The following WDR59 variants were observed in gnomAD, a reference collection of about 807,000 sequenced individuals.
The protein encoded by WDR59 is WD repeat domain 59.
In WDR59, 100 loss-of-function variants were observed where a neutral mutation model predicts 131.2. The observed-to-expected ratio is 0.76, with a 90% CI of 0.65 to 0.90. The LOEUF (loss-of-function observed/expected upper bound fraction) is 0.90, where lower values mean the gene tolerates loss of function less well. Ranked by LOEUF, WDR59 falls within the 40% of genes least tolerant of loss-of-function variation. The pLI is 0.00. For synonymous variants in WDR59, 601 were observed against 466.2 expected, an observed-to-expected ratio of 1.29 and a Z score of -3.72; for missense variants, 1,203 against 1,262.2, an observed-to-expected ratio of 0.95 and a Z score of 0.71.
At chr16:74,911,539 T>C (rs1032447533) in intron 14 of WDR59, among the ~76,000 whole-genome samples, 1 of 152,210 alleles carries the variant, frequency 6.6e-6, no homozygotes, top group Non-Finnish European at 1.5e-5. Context: ...AGATTCCACC[T>C]GATTTGCTCT....
chr16:74,895,988 G>A (rs149667826), intron 18 of WDR59, among the ~76,000 whole-genome samples: 1 of 152,084 alleles, frequency 6.6e-6, no homozygotes, highest in African/African-American at 2.4e-5. Flanking sequence ...CATTCACTGT[G>A]ATTTTCATTC....
intron 7 of WDR59, among the ~76,000 whole-genome samples, chr16:74,942,095 C>T (rs1445174857): frequency 6.6e-6 from 1 of 152,090 alleles, no homozygotes; most frequent in African/African-American, 2.4e-5. Context: ...CTCACTGAGG[C>T]CAACACAATC....
intron 2 of WDR59, among the ~76,000 whole-genome samples, chr16:74,958,620 A>AAAAAAAAAAAAAAAAAAAAAC (rs1199806175): frequency 7.1e-6 from 1 of 141,050 alleles, no homozygotes; most frequent in Non-Finnish European, 1.5e-5. Flanking sequence ...AAAAAAAAAA[A>AAAAAAAAAAAAAAAAAAAAAC]CAAGCTAAAT....
At chr16:74,959,151 G>A (rs1597797744) in intron 2 of WDR59, among the ~76,000 whole-genome samples, 1 of 152,216 alleles carries the variant, frequency 6.6e-6, no homozygotes, top group Admixed American at 6.5e-5. Context: ...CCCTAGAGCA[G>A]CCCCAGACCT....
At chr16:74,975,079 A>T (rs1214957654) in intron 1 of WDR59, among the ~76,000 whole-genome samples, 2 of 152,192 alleles carry the variant, frequency 1.3e-5, no homozygotes, top group East Asian at 3.8e-4. Context: ...GAAGGAAGTC[A>T]GTCGGGCGCA....
Position 74,872,309 on chromosome 16 carries a change from G to A in WDR59, c.*1900C>T, listed in dbSNP as rs1256498148. On this transcript the variant is annotated 3_prime_UTR_variant, in exon 26 of 26. Transcript: ENST00000262144. Reference sequence around the variant, plus strand: ...TCCCTAAGCTAATCTACTTGGAACTGTAAAATTCTAAGAAACAGAAATAGA... The same window carrying A: ...TCCCTAAGCTAATCTACTTGGAACTATAAAATTCTAAGAAACAGAAATAGA... The A allele has an allele frequency of 6.6e-6, 1 of 152,298 alleles. No individual in the cohort carries two copies. Among genetic ancestry groups the A allele is most frequent in the South Asian group, 2.1e-4 (1 of 4,832 alleles). The allele number at this position is 152,298 out of a possible 1,614,324, so 9.4% of individuals were successfully genotyped here.
intron 2 of WDR59, among the ~76,000 whole-genome samples, chr16:74,962,127 C>G (rs1281761951): frequency 6.6e-6 from 1 of 152,112 alleles, no homozygotes; most frequent in Admixed American, 6.6e-5. Context: ...TCTGATATCT[C>G]TATTCTATTC....
intron 18 of WDR59, among the ~76,000 whole-genome samples, chr16:74,901,445 G>A (rs1965544933): frequency 2.6e-5 from 4 of 152,108 alleles, no homozygotes; most frequent in Non-Finnish European, 4.4e-5. Flanking sequence ...AATCCAGCCT[G>A]GGCAACATAG....
chr16:74,976,234 G>C (rs1327597302), intron 1 of WDR59, among the ~76,000 whole-genome samples: 2 of 151,976 alleles, frequency 1.3e-5, no homozygotes, highest in Non-Finnish European at 2.9e-5. Context: ...TTTTATTTTA[G>C]TTTTTATTAG....
intron 18 of WDR59, among the ~76,000 whole-genome samples, chr16:74,894,437 T>G (rs903101835): frequency 1.3e-5 from 2 of 152,164 alleles, no homozygotes; most frequent in Non-Finnish European, 2.9e-5. Flanking sequence ...GGGCAAGTAT[T>G]CGATTTCCCC....
chr16:74,948,289 G>A (rs1289370321), intron 6 of WDR59, among the ~76,000 whole-genome samples: 2 of 152,180 alleles, frequency 1.3e-5, no homozygotes, highest in Non-Finnish European at 2.9e-5. Flanking sequence ...ACTCTGATAT[G>A]AGGTCCTGCT....
intron 1 of WDR59, among the ~76,000 whole-genome samples, chr16:74,980,481 G>C (rs1041219153): frequency 6.7e-6 from 1 of 149,940 alleles, no homozygotes; most frequent in African/African-American, 2.5e-5. Flanking sequence ...AGCCTCCCGA[G>C]TAGGTGGAAT....
intron 6 of WDR59, among the ~76,000 whole-genome samples, chr16:74,947,392 C>CA (rs1175085069): frequency 2.6e-5 from 4 of 151,432 alleles, no homozygotes; most frequent in Non-Finnish European, 5.9e-5. Context: ...CAAAACAAAA[C>CA]AAAAAAAATA....
intron 15 of WDR59, 48 bp from the exon 16 acceptor site, chr16:74,909,705 C>T (rs1208074419): frequency 1.3e-6 from 2 of 1,553,326 alleles, no homozygotes; most frequent in Non-Finnish European, 1.7e-6. Context: ...TGTCTTAAAG[C>T]TGAACTACAA....
chr16:74,917,842 C>A, intron 11 of WDR59, 87 bp downstream of exon 11: 6 of 1,049,158 alleles, frequency 5.7e-6, no homozygotes, highest in South Asian at 2.8e-5. Flanking sequence ...ATTGTTTATC[C>A]TGTAACCTCT....
chr16:74,950,086 A>T (rs1209114730), intron 4 of WDR59: 1 of 430,960 alleles, frequency 2.3e-6, no homozygotes, highest in East Asian at 6.5e-5. Context: ...TCACGACTGT[A>T]ATCCCAGCAC....
chr16:74,935,651 T>TA (rs1427742690), intron 8 of WDR59, among the ~76,000 whole-genome samples: 2 of 152,086 alleles, frequency 1.3e-5, no homozygotes, highest in East Asian at 1.9e-4. Context: ...CCTTATCTAC[T>TA]AAAAAAATGG....
chr16:74,971,827 G>C (rs899945283), intron 1 of WDR59, among the ~76,000 whole-genome samples: 13 of 152,108 alleles, frequency 8.5e-5, no homozygotes, highest in African/African-American at 3.1e-4. Flanking sequence ...ACCTGCCTCA[G>C]GCTCCCAAGT....
chr16:74,949,874 A>T (rs752015460), intron 4 of WDR59, 76 bp from the exon 5 acceptor site: 1 of 1,308,250 alleles, frequency 7.6e-7, no homozygotes, highest in South Asian at 1.2e-5. Context: ...TAGCACATCG[A>T]GTCTCCAGTG....
Sources: allele counts gnomAD v4.1 joint callset (sites outside exome capture counted in the v4.1 genomes callset), GRCh38; gene constraint gnomAD v4.1.1; transcripts MANE v1.5; gene names NCBI Gene and HGNC (gene_info 2026-07-23, HGNC 2026-07-21).